ZNF462: variants seen among roughly 807,000 people sequenced by gnomAD.
The protein encoded by ZNF462 is zinc finger PBX1-interacting protein.
A neutral mutation model predicts 201.9 loss-of-function variants in ZNF462; 10 were observed. The observed-to-expected ratio is 0.05, with a 90% CI of 0.03 to 0.08. ZNF462 has a LOEUF of 0.08. Ranked by LOEUF, ZNF462 falls within the 10% of genes least tolerant of loss-of-function variation. The probability of loss-of-function intolerance (pLI) is 1.00; values close to 1 mark genes in which losing one functional copy is unlikely to be tolerated. For synonymous variants in ZNF462, 1,227 were observed against 1,193.3 expected, an observed-to-expected ratio of 1.03 and a Z score of -0.58; for missense variants, 2,523 against 3,168.3, an observed-to-expected ratio of 0.80 and a Z score of 4.89.
chr9:106,861,066 A>G (rs1414834087), upstream of ZNF462, among the ~76,000 whole-genome samples: 1 of 146,940 alleles, frequency 6.8e-6, no homozygotes, highest in African/African-American at 2.5e-5. Flanking sequence ...TTTCTTCTCC[A>G]CCGCACGCGT....
intron 1 of ZNF462, among the ~76,000 whole-genome samples, chr9:106,884,859 C>T (rs1564076063): frequency 6.6e-6 from 1 of 152,082 alleles, no homozygotes; most frequent in Non-Finnish European, 1.5e-5. Context: ...TGCTAACTGA[C>T]CTAGTTGTAA....
At position 107,010,831 on chromosome 9, in the gene ZNF462, A is replaced by G. The variant is rs772449527; in HGVS notation, c.7322A>G (p.Asn2441Ser). The G allele has an allele frequency of 6.2e-7, 1 of 1,612,542 alleles. No individual in the cohort carries two copies. Among genetic ancestry groups the G allele is most frequent in the Non-Finnish European group, 8.5e-7 (1 of 1,179,280 alleles). Residue 2441 changes from asparagine (N) to serine (S), a missense_variant, in exon 13 of 13, where the codon AAT (asparagine) becomes AGT (serine). Around this residue, in one of 15 missense-constraint regions of ZNF462, gnomAD observed 228 missense variants for 361.2 expected, o/e 0.63. Transcript: ENST00000277225. The surrounding 1 kb of genome is among the most constrained non-coding windows in gnomAD (Gnocchi z 4.6). ...RHVLRHGMAL[N>S]DTKQVSREEI... ...GATAAATGTTTTTCCAGGGCATTGA[A>G]TGACACCAAGCAGGTGAGCAGAGAA...
At chr9:106,965,975 C>T (rs1048521292) in intron 7 of ZNF462, among the ~76,000 whole-genome samples, 7 of 152,032 alleles carry the variant, frequency 4.6e-5, no homozygotes, top group African/African-American at 1.7e-4. Context: ...GTTTGTGTAC[C>T]TTTCTCAAAT....
In ZNF462 at chr9:106,954,471, G is replaced by A. The variant is rs1831487685; in HGVS notation, c.6427+15364G>A. ...GATTACAATTAGAGATGAGATTTGG[G>A]TGGGGACACAGAACCAAACCATATC... On this transcript the variant is annotated intron_variant, in intron 7 of 12. Transcript: ENST00000277225. The surrounding 1 kb of genome is among the most constrained non-coding windows in gnomAD (Gnocchi z 4.0). Among the ~76,000 whole-genome samples, 2 of 151,604 alleles carry A rather than the reference G, an allele frequency of 1.3e-5. No individual in the cohort carries two copies. The highest frequency in any genetic ancestry group is 2.1e-4 in the South Asian group (1 of 4,794).
upstream of ZNF462, among the ~76,000 whole-genome samples, chr9:106,861,101 A>G (rs1236667105): frequency 6.7e-6 from 1 of 149,030 alleles, no homozygotes; most frequent in Non-Finnish European, 1.5e-5. Flanking sequence ...TTATTTATTT[A>G]TCACCCCCGC....
chr9:106,862,379 G>A (rs1202541111), upstream of ZNF462, among the ~76,000 whole-genome samples: 2 of 152,078 alleles, frequency 1.3e-5, no homozygotes, highest in African/African-American at 4.8e-5. This position sits in a 1 kb window ranked among gnomAD's most constrained non-coding sequence, Gnocchi z 4.2. Flanking sequence ...ATGAGCTGCC[G>A]GGCAGGGTCC....
chr9:106,986,061 C>A (rs572737535), intron 10 of ZNF462, among the ~76,000 whole-genome samples: 4 of 152,312 alleles, frequency 2.6e-5, no homozygotes, highest in African/African-American at 9.6e-5. Context: ...GTAACTACCT[C>A]AGACCTTTTT....
chr9:106,963,486 A>G lies in ZNF462; in HGVS notation c.6428-8519A>G, dbSNP rs1229321726. On this transcript the variant is annotated intron_variant, in intron 7 of 12. Coordinates refer to ENST00000277225, the MANE Select transcript of ZNF462 (RefSeq NM_021224.6). The surrounding 1 kb of genome is among the most constrained non-coding windows in gnomAD (Gnocchi z 4.7). ...GAACCCTTGCTCCTGTGGAGCTGAC[A>G]TTACCTGCTTGGTTGTCATTTCAGA... Among the ~76,000 whole-genome samples the G allele has an allele frequency of 6.6e-6, 1 of 152,080 alleles. No homozygotes were observed. Among genetic ancestry groups the G allele is most frequent in the Non-Finnish European group, 1.5e-5 (1 of 67,990 alleles).
chr9:106,881,526 G>A (rs895614067), intron 1 of ZNF462, among the ~76,000 whole-genome samples: 5 of 152,176 alleles, frequency 3.3e-5, no homozygotes, highest in African/African-American at 1.2e-4. Flanking sequence ...CTGGTGCAGA[G>A]CTTGACATAT....
At chr9:107,001,274 A>G (rs987816869) in intron 10 of ZNF462, among the ~76,000 whole-genome samples, 3 of 152,200 alleles carry the variant, frequency 2.0e-5, no homozygotes, top group African/African-American at 7.2e-5. Flanking sequence ...CATGAATGCT[A>G]TTTGGCTAAA....
rs199674727 is a variant in ZNF462, at chr9:106,972,290, C to A, written c.6695+18C>A. The A allele has an allele frequency of 9.1e-5, 147 of 1,608,440 alleles. No homozygotes were observed. The highest frequency in any genetic ancestry group is 4.6e-5 in the Non-Finnish European group (54 of 1,176,576). On this transcript the variant is annotated intron_variant, in intron 8 of 12. Transcript: ENST00000277225. This position sits in a 1 kb window ranked among gnomAD's most constrained non-coding sequence, Gnocchi z 4.8. ...GGCTTTAAGTAAGTGACGTAATGAA[C>A]AGCTATGGAAAACAAGGCGGCCGCC... is the stretch of plus-strand genomic sequence containing the variant.
chr9:106,983,637 A>C (rs1000120462), intron 9 of ZNF462, among the ~76,000 whole-genome samples: 2 of 152,182 alleles, frequency 1.3e-5, no homozygotes, highest in Admixed American at 6.5e-5. Flanking sequence ...ACCTTTGGAG[A>C]GTTACTTAAA....
rs1012590532 is a variant in ZNF462, at chr9:106,923,826, T to C, written c.220+223T>C. ...CTACCTTTCAATTTGGAGAACAAGA[T>C]AGTTGCTTGGAAAGTTCTAGAAAAA... On this transcript the variant is annotated intron_variant, in intron 2 of 12. Coordinates refer to ENST00000277225, the MANE Select transcript of ZNF462 (RefSeq NM_021224.6). The surrounding 1 kb of genome is among the most constrained non-coding windows in gnomAD (Gnocchi z 5.6). 1.3e-5 allele frequency among the ~76,000 whole-genome samples: 2 copies of C among 152,210 alleles called. No individual in the cohort carries two copies. Among genetic ancestry groups the C allele is most frequent in the South Asian group, 2.1e-4 (1 of 4,832 alleles).
chr9:106,964,618 A>G lies in ZNF462; in HGVS notation c.6428-7387A>G, dbSNP rs10978685. On this transcript the variant is annotated intron_variant, in intron 7 of 12. Coordinates refer to ENST00000277225, the MANE Select transcript of ZNF462 (RefSeq NM_021224.6). ...CAGTCTTAGAGCAGAGTCCTTCTAG[A>G]TTTTTATGTTCTCAATCTTTTATAG... Among the ~76,000 whole-genome samples, 6 of 152,150 alleles carry G rather than the reference A, an allele frequency of 3.9e-5. No individual in the cohort carries two copies. The East Asian group carries it at 1.2e-3, about 29-fold the overall frequency.
At chr9:106,882,989 T>A (rs1363710588) in intron 1 of ZNF462, among the ~76,000 whole-genome samples, 1 of 152,222 alleles carries the variant, frequency 6.6e-6, no homozygotes, top group Non-Finnish European at 1.5e-5. Flanking sequence ...GTCATGTTCT[T>A]TGAAGATGGT....
rs11793493 is a variant in ZNF462 at position 106,968,843 on chromosome 9, T to C, written c.6428-3162T>C. ...TGAAAGAAAATAGTCTTAATGATGA[T>C]TTTTAACTTATGTGACATGCCCTTC... On this transcript the variant is annotated intron_variant, in intron 7 of 12. Transcript: ENST00000277225. The surrounding 1 kb of genome is among the most constrained non-coding windows in gnomAD (Gnocchi z 4.0). Among the ~76,000 whole-genome samples, 19,021 of 149,928 alleles carry C rather than the reference T, an allele frequency of 0.13. 1,249 individuals are homozygous for C. The highest frequency in any genetic ancestry group is 0.14 in the Non-Finnish European group (9,292 of 66,496).
Position 106,926,049 on chromosome 9 carries a change from C to G in ZNF462, c.2137C>G (p.Gln713Glu), listed in dbSNP as rs1393971991. 3 of 1,614,056 alleles carry G rather than the reference C, an allele frequency of 1.9e-6. No individual in the cohort carries two copies. Among genetic ancestry groups the G allele is most frequent in the Non-Finnish European group, 2.5e-6 (3 of 1,180,046 alleles). ...GAGCAAAATTAACCAAACCAAACAG[C>G]AGGAAGATGCAGTGATCAATGTTGA... Reference protein sequence around the residue: ...LQSKINQTKQQEDAVINVEDD... With the variant: ...LQSKINQTKQEEDAVINVEDD... Residue 713 changes from glutamine to glutamate, a missense_variant, in exon 3 of 13, where the codon CAG becomes GAG. Physicochemically the swap from Gln to Glu is conservative, Grantham distance 29. This residue lies in a region of ZNF462 where 383 missense variants were observed against 453.4 expected (regional missense o/e 0.84). Transcript: ENST00000277225. This position sits in a 1 kb window ranked among gnomAD's most constrained non-coding sequence, Gnocchi z 7.9.
At position 106,981,861 on chromosome 9, in the gene ZNF462, C is replaced by T. The variant is rs908271445; in HGVS notation, c.6833-2325C>T. On this transcript the variant is annotated intron_variant, in intron 9 of 12. Coordinates refer to ENST00000277225, the MANE Select transcript of ZNF462 (RefSeq NM_021224.6). This position sits in a 1 kb window ranked among gnomAD's most constrained non-coding sequence, Gnocchi z 4.0. Reference sequence around the variant, plus strand: ...GACATCATTATATGAAAAATGATACCGGGCTGTTCTTCTTCACCGTAGAGG... The same window carrying T: ...GACATCATTATATGAAAAATGATACTGGGCTGTTCTTCTTCACCGTAGAGG... Among the ~76,000 whole-genome samples, 8 of 152,068 alleles carry T rather than the reference C, an allele frequency of 5.3e-5. No individual in the cohort carries two copies. Among genetic ancestry groups the T allele is most frequent in the South Asian group, 2.1e-4 (1 of 4,820 alleles).
chr9:107,013,522 G>A lies in ZNF462; in HGVS notation c.*2492G>A, dbSNP rs1564176851. ...AGACCCTGAGTCCTTGAAGCCAAGG[G>A]TTTAAAAACAAAACAAAAACAAAAA... On this transcript the variant is annotated 3_prime_UTR_variant, in exon 13 of 13. Transcript: ENST00000277225. The A allele has an allele frequency of 6.6e-6, 1 of 152,038 alleles. No individual in the cohort carries two copies. The highest frequency in any genetic ancestry group is 1.9e-4 in the East Asian group (1 of 5,166). 9.4% of individuals were successfully genotyped at this position (152,038 alleles called of 1,614,324 possible). A position where few individuals can be genotyped will look rare whatever the true frequency, so the allele number is the denominator to read the frequency against.
Sources: allele counts gnomAD v4.1 joint callset (sites outside exome capture counted in the v4.1 genomes callset), GRCh38; gene constraint gnomAD v4.1.1; regional missense constraint gnomAD v4.1.1; non-coding constraint Gnocchi (gnomAD v3.1); transcripts MANE v1.5; gene names NCBI Gene and HGNC (gene_info 2026-07-23, HGNC 2026-07-21).